The following ARNT variants were observed in gnomAD, a reference collection of about 807,000 sequenced individuals.
ARNT encodes aryl hydrocarbon receptor nuclear translocator.
A neutral mutation model predicts 105.0 loss-of-function variants in ARNT; 30 were observed. The ratio of observed to expected loss-of-function variants is 0.29; its 90% CI spans 0.21 to 0.39. ARNT has a LOEUF of 0.39. Ranked by LOEUF, ARNT falls within the 10% of genes least tolerant of loss-of-function variation. ARNT has a pLI of 1.00. For synonymous variants in ARNT, 304 were observed against 344.0 expected, an observed-to-expected ratio of 0.88 and a Z score of 1.29; for missense variants, 748 against 978.7, an observed-to-expected ratio of 0.76 and a Z score of 3.15.
At chr1:150,875,241 T>C (rs1248327937) in intron 1 of ARNT, among the ~76,000 whole-genome samples, 1 of 152,098 alleles carries the variant, frequency 6.6e-6, no homozygotes, top group Non-Finnish European at 1.5e-5. Flanking sequence ...TTGCGATTAA[T>C]TTTACCTCCC....
chr1:150,847,158 G>A (rs1050270835), intron 3 of ARNT, among the ~76,000 whole-genome samples: 3 of 151,938 alleles, frequency 2.0e-5, no homozygotes, highest in East Asian at 1.9e-4. Flanking sequence ...GAGGCTGGGC[G>A]CAGTGGCTCA....
chr1:150,817,022 C>T, intron 17 of ARNT, 60 bp downstream of exon 17: 1 of 1,607,286 alleles, frequency 6.2e-7, no homozygotes, highest in South Asian at 1.1e-5. Flanking sequence ...TGGGCAGTGG[C>T]ATGCCCATCA....
At position 150,817,900 on chromosome 1, in the gene ARNT, A is replaced by G; in HGVS notation, c.1505+20T>C. On this transcript the variant is annotated intron_variant, in intron 15 of 21. Transcript: ENST00000358595. ...CCCCTGGGTGACTGCTCAACAGATG[A>G]TTATTTCACCCTTTTTTACCTGGGT... 1 of 1,580,158 alleles carries G rather than the reference A, an allele frequency of 6.3e-7. No homozygotes were observed. Among genetic ancestry groups the G allele is most frequent in the Non-Finnish European group, 8.7e-7 (1 of 1,153,602 alleles).
At chr1:150,859,951 G>A (rs1291777264) in intron 1 of ARNT, among the ~76,000 whole-genome samples, 1 of 151,572 alleles carries the variant, frequency 6.6e-6, no homozygotes, top group African/African-American at 2.4e-5. Context: ...AGGCTGCAGT[G>A]AGTCGTGATT....
Position 150,813,263 on chromosome 1 carries a change from T to C in ARNT, c.2189A>G (p.Gln730Arg), listed in dbSNP as rs748240537. The change falls in exon 21 of 22, where the codon CAG becomes CGG. Residue 730 changes from glutamine (Q) to arginine (R), a missense_variant. By Grantham distance (43) the Gln-to-Arg change is conservative. Around this residue, in one of 4 missense-constraint regions of ARNT, gnomAD observed 360 missense variants for 411.9 expected, o/e 0.87. Coordinates refer to ENST00000358595, the MANE Select transcript of ARNT (RefSeq NM_001668.4). ...AEGVGVWPQW[Q>R]GQQPHHRSSS... ...TGAACGATGATGAGGCTGCTGGCCC[T>C]GCCACTGTGGCCAGACACCCACACC... is the stretch of plus-strand genomic sequence containing the variant. 2 of 1,614,036 alleles carry C rather than the reference T, an allele frequency of 1.2e-6. No homozygotes were observed. Among genetic ancestry groups the C allele is most frequent in the Non-Finnish European group, 1.7e-6 (2 of 1,179,970 alleles).
chr1:150,858,459 T>C lies in ARNT; in HGVS notation c.27A>G (p.Glu9=). Reference sequence around the variant, plus strand: ...CCAGTGATGGTACATCTGATGTCATTTCTGTCAGGAAAATAATGAAGTAAA... The same window carrying C: ...CCAGTGATGGTACATCTGATGTCATCTCTGTCAGGAAAATAATGAAGTAAA... MAATTANP[E]MTSDVPSLGP... The change falls in exon 2 of 22, where the codon GAA becomes GAG. Residue 9 remains glutamate (E), a splice_region_variant and synonymous_variant. Coordinates refer to ENST00000358595, the MANE Select transcript of ARNT (RefSeq NM_001668.4). 6.3e-7 allele frequency: 1 copy of C among 1,596,622 alleles called. No homozygotes were observed.
chr1:150,842,470 T>C lies in ARNT; in HGVS notation c.228-2A>G. On this transcript the variant is annotated splice_acceptor_variant, in intron 4 of 21. Transcript: ENST00000358595. LOFTEE classifies it high-confidence loss of function. ...GCAGAGCTCTGCTCATCATCCGACC[T>C]AAAAATAGAATTAATGAACTAAGCT... 6.3e-7 allele frequency: 1 copy of C among 1,580,466 alleles called. No homozygotes were observed. Among genetic ancestry groups the C allele is most frequent in the Non-Finnish European group, 8.6e-7 (1 of 1,166,550 alleles).
intron 2 of ARNT, among the ~76,000 whole-genome samples, chr1:150,853,460 A>G (rs1435644595): frequency 6.6e-6 from 1 of 152,218 alleles, no homozygotes; most frequent in Non-Finnish European, 1.5e-5. Flanking sequence ...ATTCAGGTCC[A>G]TGTTTCATTT....
At position 150,817,341 on chromosome 1, in the gene ARNT, A is replaced by G; in HGVS notation, c.1578+20T>C. The G allele has an allele frequency of 6.2e-7, 1 of 1,612,806 alleles. No homozygotes were observed. The highest frequency in any genetic ancestry group is 8.5e-7 in the Non-Finnish European group (1 of 1,178,812). Reference sequence around the variant, plus strand: ...AAGTAAATACTCCCTACCCTCTTCAACGAAGAGGACACAACTCACCTGGGA... The same window carrying G: ...AAGTAAATACTCCCTACCCTCTTCAGCGAAGAGGACACAACTCACCTGGGA... On this transcript the variant is annotated intron_variant, in intron 16 of 21. Coordinates refer to ENST00000358595, the MANE Select transcript of ARNT (RefSeq NM_001668.4).
intron 1 of ARNT, among the ~76,000 whole-genome samples, chr1:150,863,335 A>G (rs587656312): frequency 4.9e-4 from 74 of 152,016 alleles, no homozygotes; most frequent in African/African-American, 1.7e-3. Flanking sequence ...CAGCCTGGGC[A>G]ACAGAATGAG....
chr1:150,819,361 C>T (rs1477244872), intron 14 of ARNT, among the ~76,000 whole-genome samples: 1 of 152,108 alleles, frequency 6.6e-6, no homozygotes, highest in Non-Finnish European at 1.5e-5. Context: ...ACTATGTGGC[C>T]AGCAATTCCA....
At chr1:150,866,356 G>C (rs2102413582) in intron 1 of ARNT, among the ~76,000 whole-genome samples, 1 of 152,222 alleles carries the variant, frequency 6.6e-6, no homozygotes, top group South Asian at 2.1e-4. Context: ...TGAATCTTTT[G>C]AATGTGAATA....
chr1:150,828,963 T>C, intron 12 of ARNT, 130 bp downstream of exon 12: 2 of 1,109,722 alleles, frequency 1.8e-6, no homozygotes, highest in Non-Finnish European at 2.5e-6. Flanking sequence ...TGTTAGGTAC[T>C]AACAGAATAT....
chr1:150,839,412 A>G (rs587605786), intron 6 of ARNT, 29 bp downstream of exon 6: 2 of 1,607,468 alleles, frequency 1.2e-6, no homozygotes, highest in East Asian at 2.2e-5. Flanking sequence ...CAGATTCCAG[A>G]CTCTCTCAGA....
chr1:150,854,901 A>C (rs1313913039), intron 2 of ARNT, among the ~76,000 whole-genome samples: 1 of 148,450 alleles, frequency 6.7e-6, no homozygotes, highest in East Asian at 2.0e-4. Flanking sequence ...AGAGGGAAGG[A>C]GGGAGGGAAA....
chr1:150,810,873 T>C lies in ARNT; in HGVS notation c.*1148A>G. 4.5e-6 allele frequency: 1 copy of C among 224,394 alleles called. No individual in the cohort carries two copies. The highest frequency in any genetic ancestry group is 8.9e-6 in the Non-Finnish European group (1 of 112,074). 13.9% of individuals were successfully genotyped at this position (224,394 alleles called of 1,614,324 possible). A position where few individuals can be genotyped will look rare whatever the true frequency, so the allele number is the denominator to read the frequency against. ...CCTCTTAGGGCCAGAGAGACTTAAA[T>C]CTCAGTTGCTTGCTAAACTGGGTAT... On this transcript the variant is annotated 3_prime_UTR_variant, in exon 22 of 22. Coordinates refer to ENST00000358595, the MANE Select transcript of ARNT (RefSeq NM_001668.4).
At chr1:150,854,979 G>GA (rs1356531821) in intron 2 of ARNT, among the ~76,000 whole-genome samples, 1 of 150,500 alleles carries the variant, frequency 6.6e-6, no homozygotes. Flanking sequence ...CTAAGTCAAA[G>GA]AAAAAAAAGT....
At chr1:150,868,789 A>G (rs1667001694) in intron 1 of ARNT, among the ~76,000 whole-genome samples, 1 of 152,072 alleles carries the variant, frequency 6.6e-6, no homozygotes, top group South Asian at 2.1e-4. Context: ...AGTCCCAGCT[A>G]CAGGAGGCTG....
At chr1:150,861,108 T>G (rs1284850954) in intron 1 of ARNT, 1 of 165,408 alleles carries the variant, frequency 6.0e-6, no homozygotes, top group African/African-American at 2.4e-5. Context: ...TATAAATAAA[T>G]AAAGGGTTGG....
Sources: allele counts gnomAD v4.1 joint callset (sites outside exome capture counted in the v4.1 genomes callset), GRCh38; gene constraint gnomAD v4.1.1; regional missense constraint gnomAD v4.1.1; transcripts MANE v1.5; gene names NCBI Gene and HGNC (gene_info 2026-07-23, HGNC 2026-07-21).